Variants in USP42 observed in about 807,000 individuals in gnomAD.
USP42 encodes the protein ubiquitin carboxyl-terminal hydrolase 42.
A neutral mutation model predicts 113.0 loss-of-function variants in USP42; 23 were observed. The observed-to-expected ratio is 0.20, with a 90% CI of 0.15 to 0.29. USP42 has a LOEUF of 0.29. Among genes scored for constraint, USP42 ranks in the 10% least tolerant of loss-of-function variants. USP42 has a pLI of 1.00. For synonymous variants in USP42, 933 were observed against 699.0 expected, an observed-to-expected ratio of 1.33 and a Z score of -5.28; for missense variants, 2,174 against 1,779.8, an observed-to-expected ratio of 1.22 and a Z score of -3.99.
At chr7:6,121,039 T>C (rs1183430418) in intron 3 of USP42, among the ~76,000 whole-genome samples, 2 of 152,218 alleles carry the variant, frequency 1.3e-5, no homozygotes, top group African/African-American at 4.8e-5. Context: ...TAGGTTTTTT[T>C]TTTTAAGATC....
intron 3 of USP42, among the ~76,000 whole-genome samples, chr7:6,115,865 G>A (rs1779882553): frequency 1.3e-5 from 2 of 152,074 alleles, no homozygotes; most frequent in African/African-American, 4.8e-5. Flanking sequence ...TTGAGAGACC[G>A]AGGAGAAAGG....
chr7:6,138,644 G>A (rs1016089486), intron 4 of USP42, among the ~76,000 whole-genome samples: 9 of 152,200 alleles, frequency 5.9e-5, no homozygotes, highest in African/African-American at 2.2e-4. Flanking sequence ...TTAGGAACTG[G>A]GCTGCACAGC....
chr7:6,135,977 T>C, intron 4 of USP42, 26 bp downstream of exon 4: 1 of 1,365,598 alleles, frequency 7.3e-7, no homozygotes, highest in Non-Finnish European at 1.0e-6. Flanking sequence ...TGTAGTTTTA[T>C]ATTTGTATTT....
intron 7 of USP42, among the ~76,000 whole-genome samples, chr7:6,141,416 A>T (rs1215432006): frequency 6.6e-6 from 1 of 151,718 alleles, no homozygotes; most frequent in Non-Finnish European, 1.5e-5. Context: ...ATCGGCCAGG[A>T]TGGTCTTGAA....
intron 14 of USP42, among the ~76,000 whole-genome samples, chr7:6,151,585 G>C (rs1782052934): frequency 6.6e-6 from 1 of 152,028 alleles, no homozygotes; most frequent in Non-Finnish European, 1.5e-5. Flanking sequence ...CTACAGGCAT[G>C]CGCCACCCCA....
chr7:6,089,084 G>A, the USP42 span, among the ~76,000 whole-genome samples: 1 of 150,038 alleles, frequency 6.7e-6, no homozygotes, highest in Non-Finnish European at 1.5e-5. Flanking sequence ...TCACTTTGTT[G>A]CCCAGGCTGG....
chr7:6,109,520 A>G (rs1284608865), intron 1 of USP42, among the ~76,000 whole-genome samples: 1 of 151,990 alleles, frequency 6.6e-6, no homozygotes, highest in Non-Finnish European at 1.5e-5. Context: ...CAGCCTCCCA[A>G]GTAGCTGGGA....
chr7:6,143,778 G>A (rs547971121), intron 8 of USP42, among the ~76,000 whole-genome samples: 4 of 152,050 alleles, frequency 2.6e-5, no homozygotes, highest in African/African-American at 7.2e-5. Context: ...GAACATGTTC[G>A]TTTTTCAGTT....
intron 8 of USP42, 32 bp downstream of exon 8, chr7:6,143,046 C>A: frequency 6.2e-7 from 1 of 1,610,826 alleles, no homozygotes; most frequent in Non-Finnish European, 8.5e-7. Flanking sequence ...TTCTTGATGC[C>A]GGCTTCTCCA....
At chr7:6,097,930 G>A in the USP42 span, among the ~76,000 whole-genome samples, 2 of 123,340 alleles carry the variant, frequency 1.6e-5, no homozygotes, top group Non-Finnish European at 3.4e-5. Flanking sequence ...TTTTGAGATG[G>A]AGTCTCACTC....
At chr7:6,156,038 G>A (rs1399328837) in intron 15 of USP42, among the ~76,000 whole-genome samples, 1 of 152,148 alleles carries the variant, frequency 6.6e-6, no homozygotes, top group Non-Finnish European at 1.5e-5. Context: ...ACCTCACCTG[G>A]CCTGTTTTTG....
chr7:6,101,188 T>C (rs1790117718), upstream of USP42, among the ~76,000 whole-genome samples: 1 of 150,916 alleles, frequency 6.6e-6, no homozygotes, highest in Admixed American at 6.6e-5. Context: ...AGCTGTGAGT[T>C]ATAAGCAGCG....
intron 2 of USP42, among the ~76,000 whole-genome samples, chr7:6,111,603 A>ATT (rs1201458342): frequency 3.9e-4 from 54 of 137,830 alleles, no homozygotes; most frequent in African/African-American, 3.7e-4. Context: ...TTTTATTCCA[A>ATT]TTTTTTTTTT....
At chr7:6,085,701 G>A in the USP42 span, among the ~76,000 whole-genome samples, 1 of 149,378 alleles carries the variant, frequency 6.7e-6, no homozygotes, top group Non-Finnish European at 1.5e-5. Context: ...CAGAGCCTCT[G>A]CCTCTTGAGT....
At chr7:6,119,422 T>A (rs530901597) in intron 3 of USP42, among the ~76,000 whole-genome samples, 1 of 152,104 alleles carries the variant, frequency 6.6e-6, no homozygotes, top group Non-Finnish European at 1.5e-5. Flanking sequence ...AGTGAGCCAT[T>A]ATTGTGCAGG....
Position 6,115,435 on chromosome 7 carries a change from T to C in USP42, c.354T>C (p.Asn118=). ...GAGCTGGGCTCCAGAATTTGGGCAATACCTGTTTTGCCAATGCAGCACTGC... is the reference window on the plus strand; with the variant it reads ...GAGCTGGGCTCCAGAATTTGGGCAACACCTGTTTTGCCAATGCAGCACTGC... ...RVGAGLQNLG[N]TCFANAALQC... Residue 118 remains asparagine (N), a synonymous_variant, in exon 3 of 18, where the codon AAT becomes AAC. Coordinates refer to ENST00000306177, the MANE Select transcript of USP42 (RefSeq NM_032172.3). The C allele has an allele frequency of 6.2e-7, 1 of 1,614,062 alleles. No homozygotes were observed. Among genetic ancestry groups the C allele is most frequent in the South Asian group, 1.1e-5 (1 of 91,092 alleles).
intron 3 of USP42, among the ~76,000 whole-genome samples, chr7:6,119,243 C>G (rs1207536469): frequency 6.6e-6 from 1 of 152,044 alleles, no homozygotes; most frequent in African/African-American, 2.4e-5. Context: ...CCAGGTAAGT[C>G]CTCCAACTTT....
At chr7:6,147,275 C>G (rs984011545) in intron 11 of USP42, among the ~76,000 whole-genome samples, 1 of 151,944 alleles carries the variant, frequency 6.6e-6, no homozygotes, top group South Asian at 2.1e-4. Flanking sequence ...TAAGCCTGGG[C>G]AACAAAGCGA....
intron 14 of USP42, 51 bp downstream of exon 14, chr7:6,150,557 A>T: frequency 6.7e-7 from 1 of 1,482,012 alleles, no homozygotes; most frequent in Non-Finnish European, 9.4e-7. Flanking sequence ...TAGGAAATCC[A>T]GTAGCCTCCA....
Sources: allele counts gnomAD v4.1 joint callset (sites outside exome capture counted in the v4.1 genomes callset), GRCh38; gene constraint gnomAD v4.1.1; transcripts MANE v1.5; gene names NCBI Gene and HGNC (gene_info 2026-07-23, HGNC 2026-07-21).